Variants in ERICH1 observed in about 807,000 individuals in gnomAD.
ERICH1 encodes glutamate-rich protein 1.
In ERICH1, 56 loss-of-function variants were observed where a neutral mutation model predicts 39.6. That is an observed-to-expected ratio of 1.41 (90% CI 1.14 to 1.77). The LOEUF (loss-of-function observed/expected upper bound fraction) is 1.77. Ranked by LOEUF, ERICH1 falls within the 40% of genes most tolerant of loss-of-function variation. ERICH1 has a pLI of 0.00. For missense variants in ERICH1, 826 were observed against 575.4 expected (o/e 1.44, Z -4.45); for synonymous variants, 313 against 223.6 (o/e 1.40, Z -3.57).
intron 3 of ERICH1, chr8:627,351 C>G (rs1194680658): frequency 2.6e-6 from 1 of 389,974 alleles, no homozygotes; most frequent in African/African-American, 2.1e-5. Context: ...GTCTCCCATT[C>G]CTGGACAGGA....
intron 4 of ERICH1, among the ~76,000 whole-genome samples, chr8:669,972 C>T (rs888995645): frequency 1.3e-5 from 2 of 152,130 alleles, no homozygotes; most frequent in Admixed American, 1.3e-4. Flanking sequence ...CTCCGTCCTG[C>T]CCCCGCTCCG....
intron 2 of ERICH1, among the ~76,000 whole-genome samples, chr8:715,464 C>T (rs1815697652): frequency 6.6e-6 from 1 of 152,224 alleles, no homozygotes; most frequent in Non-Finnish European, 1.5e-5. Flanking sequence ...GGACAAGAAC[C>T]TCAGAAGCCT....
chr8:691,737 A>G (rs564942009), intron 3 of ERICH1, among the ~76,000 whole-genome samples: 1 of 152,356 alleles, frequency 6.6e-6, no homozygotes, highest in Non-Finnish European at 1.5e-5. Context: ...AGAAAGACAA[A>G]AGCAGTCAAA....
intron 1 of ERICH1, among the ~76,000 whole-genome samples, chr8:723,541 C>G (rs1049403386): frequency 1.3e-5 from 2 of 152,216 alleles, no homozygotes; most frequent in African/African-American, 4.8e-5. Flanking sequence ...TCCACTAAAA[C>G]CACAAAACAC....
intron 3 of ERICH1, among the ~76,000 whole-genome samples, chr8:624,091 T>C (rs907749715): frequency 2.0e-5 from 3 of 152,194 alleles, no homozygotes; most frequent in Non-Finnish European, 4.4e-5. Flanking sequence ...AGGATTTGAA[T>C]AGACATGGTT....
At chr8:619,457 C>G (rs4735889) in intron 3 of ERICH1, among the ~76,000 whole-genome samples, 1 of 151,866 alleles carries the variant, frequency 6.6e-6, no homozygotes, top group Non-Finnish European at 1.5e-5. Context: ...CATATAGAAA[C>G]GTAATACATT....
At chr8:639,608 G>A (rs1007503468) in intron 3 of ERICH1, among the ~76,000 whole-genome samples, 3 of 147,998 alleles carry the variant, frequency 2.0e-5, no homozygotes, top group Non-Finnish European at 3.0e-5. Flanking sequence ...CCTGGATTCA[G>A]AGGCAGCCAC....
chr8:696,639 C>T (rs1371025460), intron 2 of ERICH1, among the ~76,000 whole-genome samples: 1 of 43,738 alleles, frequency 2.3e-5, no homozygotes, highest in African/African-American at 1.5e-4. Context: ...CTCTCACCCT[C>T]CACTCCTCTC....
chr8:627,897 C>T (rs766857211), intron 3 of ERICH1, among the ~76,000 whole-genome samples: 15 of 152,148 alleles, frequency 9.9e-5, no homozygotes, highest in Non-Finnish European at 1.9e-4. Context: ...AGCTGCCTCC[C>T]CTAGTCCCCT....
chr8:685,205 A>G (rs761362127), intron 3 of ERICH1, among the ~76,000 whole-genome samples: 7 of 152,080 alleles, frequency 4.6e-5, no homozygotes, highest in Non-Finnish European at 8.8e-5. Context: ...GCTCTTAATT[A>G]TTAATATTCC....
chr8:648,447 C>G lies in ERICH1; in HGVS notation c.976+20151G>C, dbSNP rs1358888632. On this transcript the variant is annotated intron_variant, in intron 3 of 3. Transcript: ENST00000522706. ...GCTGATGACACAGTCGTGTCCCAAACTGGACACAAATCACACAGCTCCCTG... is the reference window on the plus strand; with the variant it reads ...GCTGATGACACAGTCGTGTCCCAAAGTGGACACAAATCACACAGCTCCCTG... Among the ~76,000 whole-genome samples the G allele has an allele frequency of 3.8e-5, 2 of 53,210 alleles. 1 individual carries two copies. Among genetic ancestry groups the G allele is most frequent in the African/African-American group, 9.6e-5 (2 of 20,774 alleles). 34.9% of individuals were successfully genotyped at this position (53,210 alleles called of 152,430 possible). A position where few individuals can be genotyped will look rare whatever the true frequency, so the allele number is the denominator to read the frequency against.
intron 3 of ERICH1, among the ~76,000 whole-genome samples, chr8:628,987 G>A (rs1410840057): frequency 1.3e-5 from 2 of 152,122 alleles, no homozygotes; most frequent in African/African-American, 4.8e-5. Context: ...CACCAAGCTG[G>A]CTTGAATCCA....
intron 3 of ERICH1, chr8:615,402 G>A (rs1359644301): frequency 3.6e-6 from 2 of 561,170 alleles, no homozygotes; most frequent in Non-Finnish European, 6.2e-6. Flanking sequence ...GTCTTCCTAA[G>A]CCCTGCTTTC....
chr8:697,197 A>G (rs1218437394), intron 2 of ERICH1, among the ~76,000 whole-genome samples: 1 of 152,064 alleles, frequency 6.6e-6, no homozygotes, highest in Non-Finnish European at 1.5e-5. Flanking sequence ...CTTTTCACCC[A>G]TGGCCTGTCT....
intron 2 of ERICH1, among the ~76,000 whole-genome samples, chr8:711,990 C>T (rs1814845845): frequency 6.6e-6 from 1 of 152,122 alleles, no homozygotes; most frequent in Non-Finnish European, 1.5e-5. Context: ...CTATTCTGTC[C>T]CATTAATCTA....
chr8:624,731 T>C (rs1421601844), intron 3 of ERICH1, among the ~76,000 whole-genome samples: 3 of 151,890 alleles, frequency 2.0e-5, no homozygotes, highest in African/African-American at 7.3e-5. Flanking sequence ...TTTTTATTTT[T>C]ATTTTTATTT....
At chr8:682,534 A>G (rs1057120234) in intron 3 of ERICH1, among the ~76,000 whole-genome samples, 7 of 152,208 alleles carry the variant, frequency 4.6e-5, no homozygotes, top group African/African-American at 1.7e-4. Flanking sequence ...TCTCCAGGGC[A>G]TGTGGGAGGT....
chr8:630,606 G>A (rs1480223645), intron 3 of ERICH1, among the ~76,000 whole-genome samples: 4 of 104,146 alleles, frequency 3.8e-5, no homozygotes, highest in African/African-American at 1.3e-4. Flanking sequence ...ACACCCTCCC[G>A]TGAGCACCCA....
intron 2 of ERICH1, among the ~76,000 whole-genome samples, chr8:698,789 T>C (rs1184250082): frequency 6.6e-6 from 1 of 152,104 alleles, no homozygotes; most frequent in Admixed American, 6.5e-5. Context: ...GAAAAGTCTT[T>C]TGTCCATTTT....
Sources: allele counts gnomAD v4.1 joint callset (sites outside exome capture counted in the v4.1 genomes callset), GRCh38; gene constraint gnomAD v4.1.1; transcripts MANE v1.5; gene names NCBI Gene and HGNC (gene_info 2026-07-23, HGNC 2026-07-21).